Variants in DCAF8 observed in about 807,000 individuals in gnomAD.
DCAF8 encodes the protein DDB1 and CUL4 associated factor 8.
Under a neutral mutation model 68.0 loss-of-function variants are expected in DCAF8, and 20 were observed. The observed-to-expected ratio is 0.29, with a 90% confidence interval of 0.21 to 0.43. DCAF8 has a LOEUF of 0.43. DCAF8 is among the 20% of genes least tolerant of loss of function. DCAF8 has a pLI of 1.00. For missense variants in DCAF8, 460 were observed against 771.0 expected, an observed-to-expected ratio of 0.60 and a Z score of 4.78; for synonymous variants, 230 against 276.9, an observed-to-expected ratio of 0.83 and a Z score of 1.68.
intron 8 of DCAF8, 88 bp from the exon 9 acceptor site, chr1:160,225,207 T>G: frequency 8.2e-7 from 1 of 1,220,292 alleles, no homozygotes; most frequent in Non-Finnish European, 1.2e-6. Context: ...CAAACTCCCC[T>G]ATATCTTCTC....
chr1:160,225,368 G>A (rs1469633083), intron 8 of DCAF8, among the ~76,000 whole-genome samples: 1 of 152,192 alleles, frequency 6.6e-6, no homozygotes, highest in African/African-American at 2.4e-5. Context: ...CCATCAAGGT[G>A]CAAGGCAGTT....
chr1:160,244,028 A>G lies in DCAF8; in HGVS notation c.-20T>C. The G allele has an allele frequency of 6.2e-7, 1 of 1,614,136 alleles. No individual in the cohort carries two copies. The highest frequency in any genetic ancestry group is 1.1e-5 in the South Asian group (1 of 91,084). ...GGACATCTTGAATGATGTTTGCTGTAGCCAGCCTGGGTTTGGGAGAGGAAG... is the reference window on the plus strand; with the variant it reads ...GGACATCTTGAATGATGTTTGCTGTGGCCAGCCTGGGTTTGGGAGAGGAAG... On this transcript the variant is annotated 5_prime_UTR_variant, in exon 3 of 14. Coordinates refer to ENST00000368074, the MANE Select transcript of DCAF8 (RefSeq NM_015726.4).
chr1:160,244,991 G>C (rs1004275253), intron 2 of DCAF8, among the ~76,000 whole-genome samples: 1 of 152,172 alleles, frequency 6.6e-6, no homozygotes, highest in Admixed American at 6.5e-5. Flanking sequence ...CTATCCCTAG[G>C]AAAGAAGCTT....
In DCAF8 at chr1:160,217,633, C is replaced by T. The variant is rs1424227537; in HGVS notation, c.1753G>A (p.Glu585Lys). 3 of 1,614,122 alleles carry T rather than the reference C, an allele frequency of 1.9e-6. No individual in the cohort carries two copies. The highest frequency in any genetic ancestry group is 1.7e-5 in the Admixed American group (1 of 60,022). The change falls in exon 14 of 14, where the codon GAG (glutamate) becomes AAG (lysine). Residue 585 changes from glutamate (E) to lysine (K), a missense_variant. Around this residue, in one of 8 missense-constraint regions of DCAF8, gnomAD observed 80 missense variants for 115.1 expected, o/e 0.70. Coordinates refer to ENST00000368074, the MANE Select transcript of DCAF8 (RefSeq NM_015726.4). ...ESPSSSDTSDEEEGPDRVQCM... is the reference protein window; with the variant it reads ...ESPSSSDTSDKEEGPDRVQCM... ...TGCACCCGGTCAGGGCCCTCCTCCT[C>T]GTCCGATGTGTCTGAGGAGCTGGGA...
At chr1:160,234,217 T>A (rs1315325950) in intron 6 of DCAF8, among the ~76,000 whole-genome samples, 2 of 142,746 alleles carry the variant, frequency 1.4e-5, no homozygotes, top group African/African-American at 5.3e-5. Context: ...TACTCCAGCC[T>A]GAGCAAAAGA....
intron 3 of DCAF8, among the ~76,000 whole-genome samples, chr1:160,241,008 C>CA (rs1266086508): frequency 3.3e-5 from 5 of 152,020 alleles, no homozygotes; most frequent in Non-Finnish European, 4.4e-5. Flanking sequence ...ACTAAAAATA[C>CA]AAAAAATTAG....
chr1:160,257,462 A>G (rs1651118083), intron 2 of DCAF8, among the ~76,000 whole-genome samples: 1 of 152,224 alleles, frequency 6.6e-6, no homozygotes, highest in African/African-American at 2.4e-5. Flanking sequence ...AAGCATTTTA[A>G]TAGTCACTTT....
chr1:160,243,995 C>T lies in DCAF8; in HGVS notation c.14G>A (p.Gly5Glu). 6.2e-7 allele frequency: 1 copy of T among 1,614,150 alleles called. No individual in the cohort carries two copies. The highest frequency in any genetic ancestry group is 1.3e-5 in the African/African-American group (1 of 75,028). Residue 5 changes from glycine to glutamate, a missense_variant, in exon 3 of 14, where the codon GGG becomes GAG. Gly to Glu is a moderately conservative substitution (Grantham distance 98). Coordinates refer to ENST00000368074, the MANE Select transcript of DCAF8 (RefSeq NM_015726.4). Reference sequence around the variant, plus strand: ...GTCTGTTCTGCCATCTGTGCTGCTCCCTTTGCTGGACATCTTGAATGATGT... The same window carrying T: ...GTCTGTTCTGCCATCTGTGCTGCTCTCTTTGCTGGACATCTTGAATGATGT... The part of the protein sequence containing the change: MSSK[G>E]SSTDGRTDLA...
chr1:160,231,502 A>ATCTCTTTGGTTTCTTATT, intron 6 of DCAF8, 95 bp from the exon 7 acceptor site: 1 of 786,106 alleles, frequency 1.3e-6, no homozygotes, highest in Non-Finnish European at 2.1e-6. Context: ...GCTAATAAGA[A>ATCTCTTTGGTTTCTTATT]ACCAAAGAGA....
Position 160,217,061 on chromosome 1 carries a change from C to T in DCAF8, c.*531G>A, listed in dbSNP as rs900341534. 1 of 152,210 alleles carries T rather than the reference C, an allele frequency of 6.6e-6. No individual in the cohort carries two copies. The highest frequency in any genetic ancestry group is 6.6e-5 in the Admixed American group (1 of 15,254). The allele number at this position is 152,210 out of a possible 1,614,324, so 9.4% of individuals were successfully genotyped here. A position where few individuals can be genotyped will look rare whatever the true frequency, so the allele number is the denominator to read the frequency against. On this transcript the variant is annotated 3_prime_UTR_variant, in exon 14 of 14. Transcript: ENST00000368074. The stretch of plus-strand genomic sequence containing the variant: ...GGATGGTTAGGGGCTTTAAGGACTT[C>T]CCAGGAAAATAGGATTCTGGGATGG...
intron 2 of DCAF8, among the ~76,000 whole-genome samples, chr1:160,248,519 A>C (rs1656451071): frequency 6.6e-6 from 1 of 151,392 alleles, no homozygotes; most frequent in Admixed American, 6.6e-5. Flanking sequence ...GCAGATCACG[A>C]GGTCAGGAGA....
At chr1:160,241,214 G>A (rs999792932) in intron 3 of DCAF8, among the ~76,000 whole-genome samples, 4 of 152,154 alleles carry the variant, frequency 2.6e-5, no homozygotes, top group Non-Finnish European at 5.9e-5. Context: ...CCCCACCTAA[G>A]TTTCTAAAAT....
chr1:160,246,563 G>A (rs1656347041), intron 2 of DCAF8, among the ~76,000 whole-genome samples: 1 of 152,216 alleles, frequency 6.6e-6, no homozygotes, highest in African/African-American at 2.4e-5. Context: ...AGAAGGCTGA[G>A]AAAGGACTGC....
rs117463128 is a variant in DCAF8, at chr1:160,257,773, G to A, written c.-27+3512C>T. 8.9e-4 allele frequency among the ~76,000 whole-genome samples: 135 copies of A among 152,240 alleles called. 1 individual carries two copies. The East Asian group carries it at 0.014, about 16-fold the overall frequency. On this transcript the variant is annotated intron_variant, in intron 2 of 13. Transcript: ENST00000368074. ...GTTGCCCATACTAAACTGCAGAGGC[G>A]CAATCTCAGCGCACTGCAGTGATCA...
In DCAF8 at chr1:160,244,000, G is replaced by C; in HGVS notation, c.9C>G (p.Ser3Arg). ...TTCTGCCATCTGTGCTGCTCCCTTT[G>C]CTGGACATCTTGAATGATGTTTGCT... is the stretch of plus-strand genomic sequence containing the variant. MS[S>R]KGSSTDGRTD... The change falls in exon 3 of 14, where the codon AGC (serine) becomes AGG (arginine). Residue 3 changes from serine (S) to arginine (R), a missense_variant. This residue lies in a region of DCAF8 where 156 missense variants were observed against 181.4 expected (regional missense o/e 0.86). Coordinates refer to ENST00000368074, the MANE Select transcript of DCAF8 (RefSeq NM_015726.4). The C allele has an allele frequency of 6.2e-7, 1 of 1,614,136 alleles. No homozygotes were observed. The highest frequency in any genetic ancestry group is 8.5e-7 in the Non-Finnish European group (1 of 1,180,022).
intron 2 of DCAF8, among the ~76,000 whole-genome samples, chr1:160,251,735 T>C (rs1656607429): frequency 1.3e-5 from 2 of 152,172 alleles, no homozygotes; most frequent in African/African-American, 4.8e-5. Flanking sequence ...CCCAAAATGC[T>C]TGAGATTACA....
intron 7 of DCAF8, among the ~76,000 whole-genome samples, chr1:160,227,124 T>C (rs1161236692): frequency 6.6e-6 from 1 of 152,180 alleles, no homozygotes; most frequent in Non-Finnish European, 1.5e-5. Context: ...CAAGTTAAAA[T>C]TCCCTGGTAT....
At chr1:160,224,341 A>G (rs1371180500) in intron 10 of DCAF8, 101 bp downstream of exon 10, 3 of 833,544 alleles carry the variant, frequency 3.6e-6, no homozygotes, top group Non-Finnish European at 5.9e-6. Flanking sequence ...TGCCCATGGC[A>G]ACACAGGCAG....
At position 160,239,730 on chromosome 1, in the gene DCAF8, G is replaced by C. The variant is rs758971324; in HGVS notation, c.690C>G (p.Asp230Glu). The change falls in exon 4 of 14, where the codon GAC becomes GAG. Residue 230 changes from aspartate (D) to glutamate (E), a missense_variant. Transcript: ENST00000368074. The stretch of plus-strand genomic sequence containing the variant: ...CATTACTTTTGTGGCCACTCTCAAA[G>C]TCCAGTACTGGCTGCCGCCGTACCC... ...WDWVRRQPVL[D>E]FESGHKSNVF... 6.2e-7 allele frequency: 1 copy of C among 1,614,212 alleles called. No homozygotes were observed. Among genetic ancestry groups the C allele is most frequent in the South Asian group, 1.1e-5 (1 of 91,090 alleles).
Sources: gnomAD v4.1 joint callset for allele counts (sites outside exome capture counted in the v4.1 genomes callset) on GRCh38, gnomAD v4.1.1 for gene constraint, gnomAD v4.1.1 regional missense constraint, MANE v1.5 for transcripts, NCBI Gene and HGNC (gene_info 2026-07-23, HGNC 2026-07-21) for gene names.